DPP10: variants seen among roughly 807,000 people sequenced by gnomAD.
The protein encoded by DPP10 is inactive dipeptidyl peptidase 10.
A neutral mutation model predicts 120.9 loss-of-function variants in DPP10; 33 were observed. That is an observed-to-expected ratio of 0.27 (90% CI 0.21 to 0.37). DPP10 has a LOEUF of 0.37. DPP10 is among the 10% of genes least tolerant of loss of function. The pLI is 1.00. For synonymous variants in DPP10, 337 were observed against 326.1 expected, an observed-to-expected ratio of 1.03 and a Z score of -0.36; for missense variants, 816 against 942.8, an observed-to-expected ratio of 0.87 and a Z score of 1.76.
intron 1 of DPP10, among the ~76,000 whole-genome samples, chr2:114,943,523 C>T (rs139432992): frequency 0.014 from 2,180 of 152,240 alleles, 50 homozygotes; most frequent in African/African-American, 0.05. Flanking sequence ...CCACCTGCCT[C>T]GGCCTCCCAA....
chr2:115,621,136 A>G (rs1263630590), intron 5 of DPP10, among the ~76,000 whole-genome samples: 1 of 152,236 alleles, frequency 6.6e-6, no homozygotes, highest in African/African-American at 2.4e-5. Context: ...GCAGAAAAAC[A>G]TGCAGAGAAT....
At chr2:114,892,838 C>G (rs894574401) in intron 1 of DPP10, among the ~76,000 whole-genome samples, 1 of 152,118 alleles carries the variant, frequency 6.6e-6, no homozygotes, top group Non-Finnish European at 1.5e-5. Flanking sequence ...ACCCAGGACA[C>G]AGGATGGAGT....
intron 1 of DPP10, among the ~76,000 whole-genome samples, chr2:114,816,485 G>C (rs1685650910): frequency 6.6e-6 from 1 of 152,122 alleles, no homozygotes; most frequent in African/African-American, 2.4e-5. Flanking sequence ...TGGCTTTTCT[G>C]ATCATTTTAA....
intron 1 of DPP10, among the ~76,000 whole-genome samples, chr2:115,260,152 T>G (rs2059190056): frequency 1.3e-5 from 2 of 150,356 alleles, no homozygotes; most frequent in Non-Finnish European, 3.0e-5. Context: ...CATTCTATAT[T>G]ATATTATATA....
intron 5 of DPP10, among the ~76,000 whole-genome samples, chr2:115,619,173 C>G (rs1056552005): frequency 3.7e-5 from 5 of 136,888 alleles, no homozygotes; most frequent in African/African-American, 8.7e-5. Context: ...AGTGCAGTAG[C>G]GTGATCTCGG....
At chr2:114,733,137 TAAG>T (rs767488198) in intron 1 of DPP10, among the ~76,000 whole-genome samples, 4 of 152,218 alleles carry the variant, frequency 2.6e-5, no homozygotes, top group Admixed American at 6.5e-5. Context: ...AGGGAGCTGG[TAAG>T]AAGAAGTCTT....
chr2:114,742,375 G>T (rs1678150877), intron 1 of DPP10, among the ~76,000 whole-genome samples: 1 of 152,214 alleles, frequency 6.6e-6, no homozygotes, highest in African/African-American at 2.4e-5. Flanking sequence ...CATATGAAAA[G>T]TATAATGCAG....
At chr2:115,174,309 G>A (rs2053558674) in intron 1 of DPP10, among the ~76,000 whole-genome samples, 1 of 152,174 alleles carries the variant, frequency 6.6e-6, no homozygotes, top group Non-Finnish European at 1.5e-5. Flanking sequence ...TCTCGTATAA[G>A]TATGTAGTGA....
chr2:114,745,246 C>T (rs988090290), intron 1 of DPP10, among the ~76,000 whole-genome samples: 1 of 152,168 alleles, frequency 6.6e-6, no homozygotes, highest in Admixed American at 6.5e-5. Context: ...AGCTTGGGAA[C>T]TAGCAAGCTT....
intron 7 of DPP10, among the ~76,000 whole-genome samples, chr2:115,720,760 T>A (rs1306518050): frequency 6.6e-6 from 1 of 152,188 alleles, no homozygotes; most frequent in African/African-American, 2.4e-5. Flanking sequence ...AAATATTTAG[T>A]TTATTCTAAG....
chr2:114,549,530 G>A (rs1687697397), intron 1 of DPP10, among the ~76,000 whole-genome samples: 1 of 151,886 alleles, frequency 6.6e-6, no homozygotes, highest in Non-Finnish European at 1.5e-5. Context: ...GCATAGTGGT[G>A]CACACCTGTA....
rs1559371222 is a variant in DPP10 at position 115,289,498 on chromosome 2, A to ATAGG, written c.61-19741_61-19740insTAGG. On this transcript the variant is annotated intron_variant, in intron 1 of 25. Coordinates refer to ENST00000410059, the MANE Select transcript of DPP10 (RefSeq NM_020868.6). ...TTCATAAGAAACCAAAAAAAAAAAA[A>ATAGG]AAAAAAGGAAGAAAAGAAAAGAAAA... 9.3e-4 allele frequency among the ~76,000 whole-genome samples: 100 copies of ATAGG among 108,048 alleles called. 4 individuals carry two copies. The highest frequency in any genetic ancestry group is 2.9e-3 in the African/African-American group (66 of 22,398). The allele number at this position is 108,048 out of a possible 152,430, so 70.9% of individuals were successfully genotyped here. A position where few individuals can be genotyped will look rare whatever the true frequency, so the allele number is the denominator to read the frequency against.
chr2:115,046,146 G>T (rs1376503766), intron 1 of DPP10, among the ~76,000 whole-genome samples: 1 of 152,108 alleles, frequency 6.6e-6, no homozygotes, highest in African/African-American at 2.4e-5. Context: ...GGTAACTTAA[G>T]ATTCTAGTAA....
intron 1 of DPP10, among the ~76,000 whole-genome samples, chr2:115,212,303 C>T (rs992293963): frequency 6.6e-6 from 1 of 152,110 alleles, no homozygotes; most frequent in South Asian, 2.1e-4. Flanking sequence ...CAAAGATTAT[C>T]GGAGCAGCCT....
chr2:115,322,513 C>T (rs1397245303), intron 2 of DPP10, among the ~76,000 whole-genome samples: 1 of 152,176 alleles, frequency 6.6e-6, no homozygotes, highest in Non-Finnish European at 1.5e-5. Context: ...ATTTACAACT[C>T]TACCTTAATC....
At chr2:115,054,962 C>G (rs1705788847) in intron 1 of DPP10, among the ~76,000 whole-genome samples, 1 of 152,150 alleles carries the variant, frequency 6.6e-6, no homozygotes, top group Admixed American at 6.5e-5. Context: ...TTTCTTTTCA[C>G]AATATAATAG....
At chr2:115,244,921 C>T (rs1014566986) in intron 1 of DPP10, among the ~76,000 whole-genome samples, 22 of 151,306 alleles carry the variant, frequency 1.5e-4, no homozygotes, top group Non-Finnish European at 1.8e-4. Flanking sequence ...GTTCTAATTT[C>T]TGAGATTTTG....
chr2:115,500,272 A>C (rs1369191760), intron 4 of DPP10, among the ~76,000 whole-genome samples: 3 of 152,006 alleles, frequency 2.0e-5, no homozygotes, highest in Admixed American at 6.6e-5. Flanking sequence ...CTAGCTACCC[A>C]ACACCAACGA....
intron 1 of DPP10, among the ~76,000 whole-genome samples, chr2:114,471,695 T>G (rs528440579): frequency 6.6e-6 from 1 of 152,330 alleles, no homozygotes; most frequent in Non-Finnish European, 1.5e-5. Context: ...TTAGTTTTAG[T>G]GCCTTTTGTG....
Sources: gnomAD v4.1 joint callset for allele counts (sites outside exome capture counted in the v4.1 genomes callset) on GRCh38, gnomAD v4.1.1 for gene constraint, MANE v1.5 for transcripts, NCBI Gene and HGNC (gene_info 2026-07-23, HGNC 2026-07-21) for gene names.